Variants in SLCO2A1 observed in about 807,000 individuals in gnomAD.
SLCO2A1 encodes matrin F/G 1.
In SLCO2A1, 60 loss-of-function variants were observed where a neutral mutation model predicts 71.7. The ratio of observed to expected loss-of-function variants is 0.84; its 90% CI spans 0.68 to 1.04. SLCO2A1 has a LOEUF of 1.04. Among genes scored for constraint, SLCO2A1 ranks in the 50% least tolerant of loss-of-function variants. The pLI is 0.00. For missense variants in SLCO2A1, 745 were observed against 813.4 expected (o/e 0.92, Z 1.02); for synonymous variants, 308 against 326.7 (o/e 0.94, Z 0.62).
At chr3:134,009,008 A>G (rs1304692729) in intron 1 of SLCO2A1, among the ~76,000 whole-genome samples, 2 of 152,176 alleles carry the variant, frequency 1.3e-5, no homozygotes, top group African/African-American at 4.8e-5. Context: ...TCCTTGGTCC[A>G]CCCTCAGGTA....
In SLCO2A1 at chr3:133,935,759, A is replaced by G. The variant is rs778604537; in HGVS notation, c.1814+15T>C. 11 of 1,580,348 alleles carry G rather than the reference A, an allele frequency of 7.0e-6. No individual in the cohort carries two copies. Among genetic ancestry groups the G allele is most frequent in the East Asian group, 2.3e-5 (1 of 44,376 alleles). On this transcript the variant is annotated intron_variant, in intron 13 of 13. Transcript: ENST00000310926. ...GGGCCTGGCTCTGGGACACACATACATGATGGGCCCTCACCTGTCTCGGAG... is the reference window on the plus strand; with the variant it reads ...GGGCCTGGCTCTGGGACACACATACGTGATGGGCCCTCACCTGTCTCGGAG...
chr3:133,974,669 A>G (rs756066671), intron 2 of SLCO2A1, among the ~76,000 whole-genome samples: 4 of 152,192 alleles, frequency 2.6e-5, no homozygotes, highest in Non-Finnish European at 5.9e-5. Flanking sequence ...CCCACCCAGA[A>G]CCAGGGAAGG....
chr3:133,965,580 G>A (rs1293956452), intron 3 of SLCO2A1, among the ~76,000 whole-genome samples: 1 of 152,052 alleles, frequency 6.6e-6, no homozygotes, highest in African/African-American at 2.4e-5. Context: ...TTCCTACAGG[G>A]AGAAAATATG....
intron 10 of SLCO2A1, among the ~76,000 whole-genome samples, 200 bp downstream of exon 10, chr3:133,944,895 G>A (rs1933524741): frequency 1.3e-5 from 2 of 152,236 alleles, no homozygotes; most frequent in South Asian, 4.1e-4. Context: ...TTGACTGTGG[G>A]CTGTCAGCAT....
Position 133,932,805 on chromosome 3 carries a change from C to T in SLCO2A1, c.*1908G>A, listed in dbSNP as rs1933173510. On this transcript the variant is annotated 3_prime_UTR_variant, in exon 14 of 14. Coordinates refer to ENST00000310926, the MANE Select transcript of SLCO2A1 (RefSeq NM_005630.3). ...AAGGTTGGCATTCATTGTTCATAAA[C>T]TCAGCTGAAGGCAGTGCCTTCCAAA... is the stretch of plus-strand genomic sequence containing the variant. 6.6e-6 allele frequency: 1 copy of T among 152,546 alleles called. No homozygotes were observed. The highest frequency in any genetic ancestry group is 1.5e-5 in the Non-Finnish European group (1 of 68,032). 9.4% of individuals were successfully genotyped at this position (152,546 alleles called of 1,614,324 possible).
chr3:134,010,471 C>T (rs577175770), intron 1 of SLCO2A1, among the ~76,000 whole-genome samples: 106 of 151,898 alleles, frequency 7.0e-4, no homozygotes, highest in African/African-American at 2.5e-3. Flanking sequence ...CATCAGATCT[C>T]GGCCGGGCGC....
At chr3:134,024,146 T>C (rs1411966110) in intron 1 of SLCO2A1, among the ~76,000 whole-genome samples, 1 of 152,380 alleles carries the variant, frequency 6.6e-6, no homozygotes, top group East Asian at 1.9e-4. Context: ...GGACCTTTAC[T>C]GGGCACTCTG....
chr3:133,946,896 C>A (rs1933591319), intron 9 of SLCO2A1, among the ~76,000 whole-genome samples: 1 of 152,068 alleles, frequency 6.6e-6, no homozygotes, highest in Non-Finnish European at 1.5e-5. Context: ...AGGCAGATCA[C>A]TTGAGGTCAG....
At chr3:133,945,290 A>G in intron 9 of SLCO2A1, 30 bp from the exon 10 acceptor site, 1 of 1,586,340 alleles carries the variant, frequency 6.3e-7, no homozygotes. Context: ...CGGGGAATCA[A>G]ACAAAGCAAG....
At chr3:133,963,628 G>A (rs979578745) in intron 3 of SLCO2A1, among the ~76,000 whole-genome samples, 1 of 152,240 alleles carries the variant, frequency 6.6e-6, no homozygotes, top group African/African-American at 2.4e-5. Flanking sequence ...TCATCTGGGA[G>A]TGTGTGGGTG....
chr3:133,947,753 A>C (rs1172966156), intron 8 of SLCO2A1, among the ~76,000 whole-genome samples: 2 of 152,146 alleles, frequency 1.3e-5, no homozygotes, highest in Non-Finnish European at 2.9e-5. Context: ...GCCTCTTTGC[A>C]TGGGACCGCA....
chr3:134,024,692 C>A (rs1935661796), intron 1 of SLCO2A1, among the ~76,000 whole-genome samples: 2 of 152,180 alleles, frequency 1.3e-5, no homozygotes, highest in Non-Finnish European at 2.9e-5. Context: ...CCTGTTAGCA[C>A]AAGAAGCAGA....
In SLCO2A1 at chr3:133,935,831, A is replaced by G. The variant is rs1383346847; in HGVS notation, c.1757T>C (p.Leu586Pro). The change falls in exon 13 of 14, where the codon CTG becomes CCG. Residue 586 changes from leucine to proline, a missense_variant. Leu to Pro is a moderately conservative substitution (Grantham distance 98). Coordinates refer to ENST00000310926, the MANE Select transcript of SLCO2A1 (RefSeq NM_005630.3). ...IDHSCIRWNSLCLGRRGACAY... is the reference protein window; with the variant it reads ...IDHSCIRWNSPCLGRRGACAY... Reference sequence around the variant, plus strand: ...GCAGGCCCCTCGCCTCCCCAAGCACAGCGAGTTCCACCGGATGCAGGAGTG... The same window carrying G: ...GCAGGCCCCTCGCCTCCCCAAGCACGGCGAGTTCCACCGGATGCAGGAGTG... The G allele has an allele frequency of 1.2e-6, 2 of 1,611,630 alleles. No homozygotes were observed. Among genetic ancestry groups the G allele is most frequent in the Non-Finnish European group, 1.7e-6 (2 of 1,178,544 alleles).
intron 3 of SLCO2A1, among the ~76,000 whole-genome samples, chr3:133,970,801 T>C (rs1934305044): frequency 6.6e-6 from 1 of 152,100 alleles, no homozygotes; most frequent in Non-Finnish European, 1.5e-5. Flanking sequence ...CAGCCCACTC[T>C]TCTGGCCTAT....
At chr3:133,943,456 T>C (rs1559929535) in intron 10 of SLCO2A1, among the ~76,000 whole-genome samples, 2 of 152,224 alleles carry the variant, frequency 1.3e-5, no homozygotes, top group Non-Finnish European at 2.9e-5. Flanking sequence ...ATATTGGAAC[T>C]AAGGGACTAG....
At chr3:133,947,932 G>A (rs1933627030) in intron 8 of SLCO2A1, among the ~76,000 whole-genome samples, 1 of 152,190 alleles carries the variant, frequency 6.6e-6, no homozygotes, top group Non-Finnish European at 1.5e-5. Context: ...CCTGTGGGTT[G>A]GGTTGGGCCC....
chr3:134,008,978 T>C (rs988740582), intron 1 of SLCO2A1, among the ~76,000 whole-genome samples: 5 of 152,222 alleles, frequency 3.3e-5, no homozygotes, highest in Non-Finnish European at 5.9e-5. Flanking sequence ...CCCATCCTCT[T>C]GGCTGCAATC....
chr3:133,954,153 C>CT lies in SLCO2A1; in HGVS notation c.626-393dup, dbSNP rs60871049. 5.2e-3 allele frequency among the ~76,000 whole-genome samples: 317 copies of CT among 60,914 alleles called. 15 individuals carry two copies. Among genetic ancestry groups the CT allele is most frequent in the African/African-American group, 0.011 (225 of 21,276 alleles). The allele number at this position is 60,914 out of a possible 152,430, so 40.0% of individuals were successfully genotyped here. On this transcript the variant is annotated intron_variant, in intron 4 of 13. Transcript: ENST00000310926. ...CTGAGGATGCTCAAAGTGGTGTGTT[C>CT]TTTTTTTTTTTTTTTTTTTTTTTTT...
chr3:133,946,230 T>C (rs2108041033), intron 9 of SLCO2A1, among the ~76,000 whole-genome samples: 1 of 149,084 alleles, frequency 6.7e-6, no homozygotes, highest in Middle Eastern at 3.4e-3. Context: ...AGGAGGTCAT[T>C]TCAAAGAAAA....
Sources: allele counts gnomAD v4.1 joint callset (sites outside exome capture counted in the v4.1 genomes callset), GRCh38; gene constraint gnomAD v4.1.1; transcripts MANE v1.5; gene names NCBI Gene and HGNC (gene_info 2026-07-23, HGNC 2026-07-21).